Variants in ITFG2 observed in about 807,000 individuals in gnomAD.
The protein encoded by ITFG2 is integrin alpha FG-GAP repeat containing 2, also known as KICSTOR complex protein ITFG2.
Under a neutral mutation model 54.4 loss-of-function variants are expected in ITFG2, and 36 were observed. The ratio of observed to expected loss-of-function variants is 0.66; its 90% CI spans 0.51 to 0.87. The LOEUF is 0.87. Ranked by LOEUF, ITFG2 falls within the 40% of genes least tolerant of loss-of-function variation. ITFG2 has a pLI of 0.00. For synonymous variants in ITFG2, 211 were observed against 225.4 expected (o/e 0.94, Z 0.57); for missense variants, 524 against 576.7 (o/e 0.91, Z 0.94).
intron 9 of ITFG2, among the ~76,000 whole-genome samples, chr12:2,822,314 C>T (rs2097948098): frequency 6.6e-6 from 1 of 152,184 alleles, no homozygotes; most frequent in African/African-American, 2.4e-5. Flanking sequence ...TGTTAGAAGT[C>T]TGTCATTTCC....
rs1565461828 is a variant in ITFG2 at position 2,859,464 on chromosome 12, G to A, written n.621-70G>A. The A allele has an allele frequency of 3.7e-6, 6 of 1,613,918 alleles. No individual in the cohort carries two copies. In the East Asian group the frequency reaches 6.7e-5, roughly 18 times the overall value. ...TTCCTCTTTGAAAGATGGGGCCGGG[G>A]AGGGCCACTCTTCCAAGGGAGGGCT... On this transcript the variant is annotated intron_variant and non_coding_transcript_variant, in intron 3 of 3. Transcript: ENST00000537710.
At chr12:2,859,590 C>G (rs1268043382) in exon 4 of ITFG2, 1 of 1,613,738 alleles carries the variant, frequency 6.2e-7, no homozygotes, top group Non-Finnish European at 8.5e-7. Context: ...AAACCCTTCT[C>G]CAAACAGGAG....
At chr12:2,830,584 C>G (rs1331195900) in intron 2 of ITFG2, 1 of 1,067,450 alleles carries the variant, frequency 9.4e-7, no homozygotes, top group Non-Finnish European at 1.3e-6. Flanking sequence ...TAGGTCCAGG[C>G]TAGGGAGAGA....
At chr12:2,857,442 T>G (rs1299537485) in intron 2 of ITFG2, 1 of 236,456 alleles carries the variant, frequency 4.2e-6, no homozygotes, top group Admixed American at 4.8e-5. Context: ...GGTCCAAAGG[T>G]CCCAAGGAAC....
intron 1 of ITFG2, among the ~76,000 whole-genome samples, chr12:2,837,904 G>A (rs1466961277): frequency 1.3e-5 from 2 of 152,176 alleles, no homozygotes; most frequent in South Asian, 2.1e-4. Context: ...CAGTCCTTGT[G>A]TTCTCTCTCC....
intron 1 of ITFG2, among the ~76,000 whole-genome samples, chr12:2,837,232 CTT>C (rs1328498232): frequency 2.6e-5 from 4 of 151,338 alleles, no homozygotes; most frequent in Admixed American, 6.6e-5. Flanking sequence ...AATCCCAGCA[CTT>C]TGGGAGGCCG....
At chr12:2,831,114 T>A (rs2098000377), downstream of ITFG2, among the ~76,000 whole-genome samples, 1 of 152,116 alleles carries the variant, frequency 6.6e-6, no homozygotes, top group Admixed American at 6.5e-5. Context: ...CCATTCTCTG[T>A]TAAACTGACT....
Position 2,821,125 on chromosome 12 carries a change from A to G in ITFG2, c.696-137A>G, listed in dbSNP as rs551612002. On this transcript the variant is annotated intron_variant, in intron 6 of 11. Coordinates refer to ENST00000228799, the MANE Select transcript of ITFG2 (RefSeq NM_018463.4). ...CATCCCTGTCTTTTCTGTTTGCCACATGGGCCAGATAGGGTCAGTGGTAGG... is the reference window on the plus strand; with the variant it reads ...CATCCCTGTCTTTTCTGTTTGCCACGTGGGCCAGATAGGGTCAGTGGTAGG... The G allele has an allele frequency of 1.7e-4, 133 of 761,140 alleles. 1 individual carries two copies. In the African/African-American group the frequency reaches 2.3e-3, roughly 13 times the overall value. The allele number at this position is 761,140 out of a possible 1,614,324, so 47.1% of individuals were successfully genotyped here. A position where few individuals can be genotyped will look rare whatever the true frequency, so the allele number is the denominator to read the frequency against.
intron 2 of ITFG2, chr12:2,857,141 G>A: frequency 1.4e-6 from 1 of 697,940 alleles, no homozygotes; most frequent in South Asian, 1.5e-5. Context: ...GCAGAGAAGA[G>A]GCCCTCACCT....
At chr12:2,832,760 A>C (rs1025288548), upstream of ITFG2, among the ~76,000 whole-genome samples, 3 of 149,082 alleles carry the variant, frequency 2.0e-5, no homozygotes, top group African/African-American at 7.5e-5. Flanking sequence ...GTAGGCACTC[A>C]ATAAATGCTT....
intron 2 of ITFG2, chr12:2,849,408 G>A (rs1252800551): frequency 6.5e-7 from 1 of 1,536,196 alleles, no homozygotes; most frequent in South Asian, 1.2e-5. Context: ...CCTTCTCCTG[G>A]TAGTGAGGCA....
At chr12:2,849,314 C>T (rs1258377240) in intron 2 of ITFG2, 1 of 1,536,106 alleles carries the variant, frequency 6.5e-7, no homozygotes, top group East Asian at 2.4e-5. Context: ...AGGGGTAAGG[C>T]AGTTCTGTCC....
chr12:2,818,489 A>G, intron 4 of ITFG2: 3 of 867,932 alleles, frequency 3.5e-6, no homozygotes, highest in Non-Finnish European at 5.1e-6. Context: ...GGGCCTTATT[A>G]TGAAGAAACA....
chr12:2,849,287 C>T, intron 2 of ITFG2: 1 of 1,536,070 alleles, frequency 6.5e-7, no homozygotes, highest in Non-Finnish European at 8.7e-7. Flanking sequence ...CTTGCTTGTG[C>T]CTTGGAGAGA....
chr12:2,817,907 A>G lies in ITFG2; in HGVS notation c.193-2A>G. On this transcript the variant is annotated splice_acceptor_variant, in intron 2 of 11. Coordinates refer to ENST00000228799, the MANE Select transcript of ITFG2 (RefSeq NM_018463.4). LOFTEE classifies it high-confidence loss of function. ...CCCTGAGCCTCCCTTTCTCTCTTACAGCTGACTTGCGTTGGGGTTGGAGAC... is the reference window on the plus strand; with the variant it reads ...CCCTGAGCCTCCCTTTCTCTCTTACGGCTGACTTGCGTTGGGGTTGGAGAC... 2.5e-6 allele frequency: 4 copies of G among 1,613,838 alleles called. No homozygotes were observed. The highest frequency in any genetic ancestry group is 3.4e-6 in the Non-Finnish European group (4 of 1,179,880).
rs1426509832 is a variant in ITFG2, at chr12:2,823,783, C to T, written c.1080C>T (p.Cys360=). 1.9e-6 allele frequency: 3 copies of T among 1,570,886 alleles called. No individual in the cohort carries two copies. Among genetic ancestry groups the T allele is most frequent in the Non-Finnish European group, 2.6e-6 (3 of 1,156,720 alleles). ...IRAFCAGLYA[C]KEGRNSPCLV... ...AACATCTTCCAGGCCTGTACGCCTG[C>T]AAAGAGGGCCGCAACAGCCCCTGCC... Residue 360 remains cysteine, a synonymous_variant, in exon 11 of 12, where the codon TGC becomes TGT. Transcript: ENST00000228799.
At chr12:2,851,509 G>A (rs190022382) in intron 2 of ITFG2, among the ~76,000 whole-genome samples, 1 of 150,302 alleles carries the variant, frequency 6.7e-6, no homozygotes, top group African/African-American at 2.4e-5. Flanking sequence ...TGCCCGGCTA[G>A]TTTTTGTATT....
At chr12:2,816,380 A>C (rs1565407851) in intron 1 of ITFG2, among the ~76,000 whole-genome samples, 1 of 137,766 alleles carries the variant, frequency 7.3e-6, no homozygotes. Flanking sequence ...CCCAGGCTGG[A>C]GTGCAGTGGT....
upstream of ITFG2, among the ~76,000 whole-genome samples, chr12:2,833,296 G>T (rs1465297985): frequency 1.3e-5 from 2 of 152,048 alleles, no homozygotes; most frequent in Non-Finnish European, 2.9e-5. Context: ...CGAAGAACCC[G>T]CTTCCCTGCT....
Sources: gnomAD v4.1 joint callset for allele counts (sites outside exome capture counted in the v4.1 genomes callset) on GRCh38, gnomAD v4.1.1 for gene constraint, MANE v1.5 for transcripts, NCBI Gene and HGNC (gene_info 2026-07-23, HGNC 2026-07-21) for gene names.